Variants in RAD9A observed in about 807,000 individuals in gnomAD.
RAD9A encodes RAD9 checkpoint clamp component A.
Under a neutral mutation model 41.2 loss-of-function variants are expected in RAD9A, and 25 were observed. The ratio of observed to expected loss-of-function variants is 0.61; its 90% CI spans 0.44 to 0.85. The LOEUF (loss-of-function observed/expected upper bound fraction) is 0.85, where lower values mean the gene tolerates loss of function less well. Ranked by LOEUF, RAD9A falls within the 40% of genes least tolerant of loss-of-function variation. RAD9A has a pLI of 0.00. For synonymous variants in RAD9A, 252 were observed against 210.6 expected (o/e 1.20, Z -1.70); for missense variants, 514 against 518.3 (o/e 0.99, Z 0.08).
rs780425904 is a variant in RAD9A at position 67,393,624 on chromosome 11, C to T, written c.349+14C>T. 1.1e-5 allele frequency: 18 copies of T among 1,613,902 alleles called. No homozygotes were observed. The highest frequency in any genetic ancestry group is 1.1e-4 in the African/African-American group (8 of 74,944). ...ATTGCAAGTTCGGTGAGTGGGCAGC[C>T]GGCCAGCCAAGGGGTGCCTCAGCAG... On this transcript the variant is annotated intron_variant, in intron 4 of 10. Transcript: ENST00000307980.
chr11:67,394,863 G>A (rs754622184), intron 5 of RAD9A, among the ~76,000 whole-genome samples: 1 of 151,864 alleles, frequency 6.6e-6, no homozygotes, highest in African/African-American at 2.4e-5. Flanking sequence ...TGATCTGCCC[G>A]TCTCAGCCTC....
rs2134940467 is a variant in RAD9A, at chr11:67,392,625, C to A, written c.106-29C>A. 1.9e-6 allele frequency: 3 copies of A among 1,612,178 alleles called. No homozygotes were observed. In the East Asian group the frequency reaches 6.7e-5, roughly 36 times the overall value. ...TGGGTCTGTGGCTGCCCCCTGACCA[C>A]GTCCCTCTCCCTGCTCTTCGTGGCC... On this transcript the variant is annotated intron_variant, in intron 2 of 10. Coordinates refer to ENST00000307980, the MANE Select transcript of RAD9A (RefSeq NM_004584.3).
chr11:67,392,234 G>T lies in RAD9A; in HGVS notation c.105+3G>T. 1 of 1,522,066 alleles carries T rather than the reference G, an allele frequency of 6.6e-7. No homozygotes were observed. The allele number at this position is 1,522,066 out of a possible 1,614,324, so 94.3% of individuals were successfully genotyped here. ...ACCTGGAACCCTTGGAGGACGGGGT[G>T]AGGGGCTAGGGTGTGGGGGGCGGGT... On this transcript the variant is annotated splice_donor_region_variant and intron_variant, in intron 2 of 10. Coordinates refer to ENST00000307980, the MANE Select transcript of RAD9A (RefSeq NM_004584.3).
chr11:67,392,029 G>A lies in RAD9A; in HGVS notation c.-16G>A, dbSNP rs930890919. The A allele has an allele frequency of 1.7e-5, 27 of 1,559,018 alleles. No homozygotes were observed. In the South Asian group the frequency reaches 2.3e-4, roughly 14 times the overall value. ...GAGCTGGGCAGTGTTGGCCGCTGGC[G>A]GAGCGCTGGGGCAGCATGAAGTGCC... On this transcript the variant is annotated 5_prime_UTR_variant, in exon 1 of 11. Transcript: ENST00000307980.
rs760813040 is a variant in RAD9A at position 67,393,777 on chromosome 11, C to G, written c.436C>G (p.Arg146Gly). The G allele has an allele frequency of 2.5e-6, 4 of 1,608,286 alleles. No homozygotes were observed. The highest frequency in any genetic ancestry group is 3.4e-6 in the Non-Finnish European group (4 of 1,177,908). The change falls in exon 5 of 11, where the codon CGC becomes GGC. Residue 146 changes from arginine (R) to glycine (G), a missense_variant. Arg to Gly is a moderately radical substitution (Grantham distance 125, BLOSUM62 -2). Transcript: ENST00000307980. ...CCCAGCCTCGTGCCCCCACATGCTC[C>G]GCGCCCCAGCACGGTGAGCACACCC... ...FDPASCPHMLRAPARVLGEAV... is the reference protein window; with the variant it reads ...FDPASCPHMLGAPARVLGEAV...
rs1193309842 is a variant in RAD9A at position 67,396,006 on chromosome 11, C to T, written c.654C>T (p.Cys218=). ...QAQEGVAITF[C]LKEFRGLLSF... is the part of the protein sequence containing the mutation. ...AGGAAGGGGTGGCCATCACTTTCTG[C>T]CTCAAGGAATTCCGGGTGAGGTTCC... is the stretch of plus-strand genomic sequence containing the variant. The change falls in exon 7 of 11, where the codon TGC becomes TGT. Residue 218 remains cysteine, a synonymous_variant. Transcript: ENST00000307980. The T allele has an allele frequency of 6.2e-7, 1 of 1,614,108 alleles. No individual in the cohort carries two copies. The highest frequency in any genetic ancestry group is 1.1e-5 in the South Asian group (1 of 91,084).
chr11:67,397,097 A>G (rs1366055715), intron 9 of RAD9A, 82 bp from the exon 10 acceptor site: 6 of 1,107,304 alleles, frequency 5.4e-6, no homozygotes, highest in Non-Finnish European at 8.1e-6. Context: ...CGGGGGCCCC[A>G]GAGCTCCCTT....
In RAD9A at chr11:67,398,096, G is replaced by C. The variant is rs1862773661; in HGVS notation, c.*537G>C. On this transcript the variant is annotated 3_prime_UTR_variant, in exon 11 of 11. Transcript: ENST00000307980. ...CCGAGTGTGTGGCTAGGGTTGCCCT[G>C]GCTGGGGCCCGGTGCCGAGACTCCC... 4.8e-6 allele frequency: 1 copy of C among 208,032 alleles called. No homozygotes were observed. Among genetic ancestry groups the C allele is most frequent in the African/African-American group, 2.3e-5 (1 of 42,692 alleles). 12.9% of individuals were successfully genotyped at this position (208,032 alleles called of 1,614,324 possible).
intron 9 of RAD9A, 95 bp from the exon 10 acceptor site, chr11:67,397,084 G>T: frequency 1.2e-6 from 1 of 859,194 alleles, no homozygotes. Flanking sequence ...GATCTCCAGT[G>T]GTCGGGGGCC....
In RAD9A at chr11:67,397,748, T is replaced by TTATC; in HGVS notation, c.*191_*194dup. On this transcript the variant is annotated 3_prime_UTR_variant, in exon 11 of 11. Coordinates refer to ENST00000307980, the MANE Select transcript of RAD9A (RefSeq NM_004584.3). ...TCCCACAGCGGTCGGGCCTGGGCCG[T>TTATC]TATCTCCCCACAACCCCCAGCCAAT... is the stretch of plus-strand genomic sequence containing the variant. The TTATC allele has an allele frequency of 1.7e-6, 1 of 599,688 alleles. No individual in the cohort carries two copies. Among genetic ancestry groups the TTATC allele is most frequent in the South Asian group, 2.1e-5 (1 of 48,410 alleles). The allele number at this position is 599,688 out of a possible 1,614,324, so 37.1% of individuals were successfully genotyped here. A position where few individuals can be genotyped will look rare whatever the true frequency, so the allele number is the denominator to read the frequency against.
chr11:67,392,615 C>T (rs758156545), intron 2 of RAD9A, 39 bp from the exon 3 acceptor site: 1 of 1,610,976 alleles, frequency 6.2e-7, no homozygotes, highest in South Asian at 1.1e-5. Context: ...CTGTGGCTGC[C>T]CCCTGACCAC....
Position 67,398,037 on chromosome 11 carries a change from T to C in RAD9A, c.*478T>C, listed in dbSNP as rs187551054. On this transcript the variant is annotated 3_prime_UTR_variant, in exon 11 of 11. Coordinates refer to ENST00000307980, the MANE Select transcript of RAD9A (RefSeq NM_004584.3). The stretch of plus-strand genomic sequence containing the variant: ...GTTTTCCTTGCTTTCCTGATACTCT[T>C]TGGCGCTGACTTGGAATTCTAAGAG... 4.3e-4 allele frequency: 85 copies of C among 199,280 alleles called. No homozygotes were observed. Among genetic ancestry groups the C allele is most frequent in the Admixed American group, 1.6e-3 (30 of 18,522 alleles). 12.3% of individuals were successfully genotyped at this position (199,280 alleles called of 1,614,324 possible). A position where few individuals can be genotyped will look rare whatever the true frequency, so the allele number is the denominator to read the frequency against.
Position 67,395,979 on chromosome 11 carries a change from C to T in RAD9A, c.627C>T (p.Ala209=), listed in dbSNP as rs1275400285. 1 of 1,614,080 alleles carries T rather than the reference C, an allele frequency of 6.2e-7. No individual in the cohort carries two copies. The highest frequency in any genetic ancestry group is 8.5e-7 in the Non-Finnish European group (1 of 1,180,020). The change falls in exon 7 of 11, where the codon GCC becomes GCT. Residue 209 remains alanine (A), a synonymous_variant. Transcript: ENST00000307980. The stretch of plus-strand genomic sequence containing the variant: ...AGGAGGATTTCCAGCAGCTGCAGGC[C>T]CAGGAAGGGGTGGCCATCACTTTCT... ...LGEEDFQQLQ[A]QEGVAITFCL...
Position 67,395,696 on chromosome 11 carries a change from A to G in RAD9A, c.450-20A>G. 1 of 1,564,014 alleles carries G rather than the reference A, an allele frequency of 6.4e-7. No homozygotes were observed. Among genetic ancestry groups the G allele is most frequent in the Non-Finnish European group, 8.7e-7 (1 of 1,150,048 alleles). On this transcript the variant is annotated intron_variant, in intron 5 of 10. Coordinates refer to ENST00000307980, the MANE Select transcript of RAD9A (RefSeq NM_004584.3). Reference sequence around the variant, plus strand: ...TGGGCAGGGCCAGGCATTTCGGGTAATGCTCCACCCTGTTCACAGGGTTCT... The same window carrying G: ...TGGGCAGGGCCAGGCATTTCGGGTAGTGCTCCACCCTGTTCACAGGGTTCT...
At chr11:67,396,511 CTCTT>C (rs1412969281) in intron 9 of RAD9A, 111 bp downstream of exon 9, 37 of 1,354,320 alleles carry the variant, frequency 2.7e-5, no homozygotes, top group Non-Finnish European at 3.1e-5. Flanking sequence ...CCCGCCCCTT[CTCTT>C]TCTATCAGGC....
intron 5 of RAD9A, 43 bp from the exon 6 acceptor site, chr11:67,395,673 G>C: frequency 6.7e-7 from 1 of 1,483,078 alleles, no homozygotes; most frequent in East Asian, 2.4e-5. Flanking sequence ...CAAAGCCCTG[G>C]GCAGGGCCAG....
At chr11:67,395,437 T>G in intron 5 of RAD9A, 1 of 480,778 alleles carries the variant, frequency 2.1e-6, no homozygotes. Context: ...GGATAAGGAT[T>G]TCAGGGCTCT....
At chr11:67,397,431 G>C (rs1214481075) in intron 10 of RAD9A, 33 bp from the exon 11 acceptor site, 2 of 1,592,226 alleles carry the variant, frequency 1.3e-6, no homozygotes, top group Admixed American at 3.4e-5. Context: ...AGGGAAGGGA[G>C]CAGCCTCCAG....
intron 9 of RAD9A, among the ~76,000 whole-genome samples, chr11:67,396,935 GT>G (rs1565118461): frequency 6.6e-6 from 1 of 152,166 alleles, no homozygotes; most frequent in Non-Finnish European, 1.5e-5. Context: ...CTGAGCTAAG[GT>G]AGCCCCCGGG....
Sources: allele counts gnomAD v4.1 joint callset (sites outside exome capture counted in the v4.1 genomes callset), GRCh38; gene constraint gnomAD v4.1.1; transcripts MANE v1.5; gene names NCBI Gene and HGNC (gene_info 2026-07-23, HGNC 2026-07-21).